COL4A3: variants seen among roughly 807,000 people sequenced by gnomAD.
COL4A3 encodes collagen alpha-3(IV) chain.
Under a neutral mutation model 217.4 loss-of-function variants are expected in COL4A3, and 135 were observed. That is an observed-to-expected ratio of 0.62 (90% CI 0.54 to 0.72). The LOEUF is 0.72. Among genes scored for constraint, COL4A3 ranks in the 30% least tolerant of loss-of-function variants. COL4A3 has a pLI of 0.00. For missense variants in COL4A3, 1,868 were observed against 2,119.9 expected (o/e 0.88, Z 2.33); for synonymous variants, 690 against 736.3 (o/e 0.94, Z 1.02).
intron 43 of COL4A3, among the ~76,000 whole-genome samples, chr2:227,302,501 A>C (rs2073329070): frequency 6.6e-6 from 1 of 151,906 alleles, no homozygotes. Flanking sequence ...ACATGGCGAA[A>C]CCCTGTCTCT....
intron 34 of COL4A3, among the ~76,000 whole-genome samples, chr2:227,286,579 A>G (rs761114207): frequency 6.6e-6 from 1 of 152,336 alleles, no homozygotes; most frequent in East Asian, 1.9e-4. Context: ...AGGGAGGTCA[A>G]GTTACTTGCC....
chr2:227,283,898 C>T (rs1387094294), intron 33 of COL4A3, 42 bp downstream of exon 33: 1 of 1,497,752 alleles, frequency 6.7e-7, no homozygotes, highest in Admixed American at 1.7e-5. Context: ...GAAGCATAAA[C>T]AATGTTCATT....
At position 227,202,954 on chromosome 2, in the gene COL4A3, CATATATGTGTATATATGT is replaced by C. The variant is rs2066808614; in HGVS notation, c.88-35013_88-34996del. 9.3e-4 allele frequency among the ~76,000 whole-genome samples: 12 copies of C among 12,868 alleles called. 5 individuals are homozygous for C. The highest frequency in any genetic ancestry group is 2.2e-3 in the African/African-American group (5 of 2,258). 8.4% of individuals were successfully genotyped at this position (12,868 alleles called of 152,430 possible). A position where few individuals can be genotyped will look rare whatever the true frequency, so the allele number is the denominator to read the frequency against. ...ATATGTGTATATATGTGTATATATA[CATATATGTGTATATATGT>C]GTATATATACATATGTGTATATATG... On this transcript the variant is annotated intron_variant, in intron 1 of 51. Transcript: ENST00000396578.
At chr2:227,201,358 C>T (rs2066678492) in intron 1 of COL4A3, among the ~76,000 whole-genome samples, 1 of 151,472 alleles carries the variant, frequency 6.6e-6, no homozygotes, top group Admixed American at 6.6e-5. Context: ...TAGGTGGAAT[C>T]AAAAAGCAAA....
intron 3 of COL4A3, among the ~76,000 whole-genome samples, chr2:227,241,983 A>G (rs1356501287): frequency 6.6e-6 from 1 of 152,200 alleles, no homozygotes; most frequent in African/African-American, 2.4e-5. Context: ...CTGGTTTGAC[A>G]CTGTGTGTGG....
At chr2:227,252,790 G>T (rs1396964876) in intron 11 of COL4A3, among the ~76,000 whole-genome samples, 1 of 152,146 alleles carries the variant, frequency 6.6e-6, no homozygotes, top group Non-Finnish European at 1.5e-5. Flanking sequence ...GAGTTGAAAT[G>T]ATGGATCAGC....
intron 34 of COL4A3, among the ~76,000 whole-genome samples, chr2:227,287,847 A>G (rs2072432616): frequency 6.6e-6 from 1 of 152,230 alleles, no homozygotes; most frequent in Admixed American, 6.5e-5. Context: ...CTGTCTCCCC[A>G]GTTAAACACT....
At chr2:227,251,520 T>C in intron 11 of COL4A3, 149 bp downstream of exon 11, 1 of 694,810 alleles carries the variant, frequency 1.4e-6, no homozygotes, top group East Asian at 2.7e-5. Flanking sequence ...CTAGCTGCTC[T>C]CACCTCTTTT....
rs1047056154 is a variant in COL4A3 at position 227,294,437 on chromosome 2, A to G, written c.3338-53A>G. On this transcript the variant is annotated intron_variant, in intron 38 of 51. Transcript: ENST00000396578. ...ACAGACCGTTTCAGTCACTGTTGTAATCATTTATCTTTTGGTGATCTTTTT... is the reference window on the plus strand; with the variant it reads ...ACAGACCGTTTCAGTCACTGTTGTAGTCATTTATCTTTTGGTGATCTTTTT... 6.2e-6 allele frequency: 7 copies of G among 1,133,324 alleles called. No homozygotes were observed. The African/African-American group carries it at 9.1e-5, about 15-fold the overall frequency. 70.2% of individuals were successfully genotyped at this position (1,133,324 alleles called of 1,614,324 possible). A position where few individuals can be genotyped will look rare whatever the true frequency, so the allele number is the denominator to read the frequency against.
At chr2:227,229,964 T>C (rs2125854813) in intron 1 of COL4A3, among the ~76,000 whole-genome samples, 2 of 149,390 alleles carry the variant, frequency 1.3e-5, no homozygotes, top group Middle Eastern at 7.1e-3. Flanking sequence ...GGCAGGAGAA[T>C]GGCGTGAACT....
intron 1 of COL4A3, among the ~76,000 whole-genome samples, chr2:227,224,786 T>A (rs2067997749): frequency 6.6e-6 from 1 of 152,198 alleles, no homozygotes; most frequent in Non-Finnish European, 1.5e-5. Context: ...TGATTATAGT[T>A]TGAGAAAACA....
Position 227,263,885 on chromosome 2 carries a change from C to A in COL4A3, c.1256C>A (p.Ser419Tyr), listed in dbSNP as rs201031986. ...PGKDAMGTPG[S>Y]PGCAGSPGLP... ...AAGGATGCCATGGGGACTCCTGGGT[C>A]CCCAGGTTGTGCTGGTTCACCAGGT... Residue 419 changes from serine (S) to tyrosine (Y), a missense_variant, in exon 21 of 52, where the codon TCC becomes TAC. This residue lies in a region of COL4A3 where 1,503 missense variants were observed against 1,786.1 expected (regional missense o/e 0.84). Transcript: ENST00000396578. The A allele has an allele frequency of 3.2e-5, 51 of 1,613,998 alleles. No individual in the cohort carries two copies. The highest frequency in any genetic ancestry group is 5.0e-5 in the Admixed American group (3 of 59,994).
In COL4A3 at chr2:227,290,093, T is replaced by A; in HGVS notation, c.3070+5T>A. 1 of 1,613,540 alleles carries A rather than the reference T, an allele frequency of 6.2e-7. No homozygotes were observed. The highest frequency in any genetic ancestry group is 8.5e-7 in the Non-Finnish European group (1 of 1,179,450). ...TGGGGAACATGGGCATGCCAGGTAA[T>A]GCATAAGGTCCTGTTATGAGCCCAC... On this transcript the variant is annotated splice_donor_5th_base_variant and intron_variant, in intron 36 of 51. Coordinates refer to ENST00000396578, the MANE Select transcript of COL4A3 (RefSeq NM_000091.5).
At chr2:227,294,230 G>T (rs760062635) in intron 38 of COL4A3, 1 of 444,184 alleles carries the variant, frequency 2.3e-6, no homozygotes, top group Non-Finnish European at 4.1e-6. Context: ...CATTTAACTC[G>T]CAATTAAAAT....
At chr2:227,256,575 T>C in intron 17 of COL4A3, 179 bp downstream of exon 17, 1 of 762,684 alleles carries the variant, frequency 1.3e-6, no homozygotes, top group South Asian at 1.4e-5. Context: ...ATTTGAAGGG[T>C]GTTCTTGAGG....
intron 9 of COL4A3, among the ~76,000 whole-genome samples, chr2:227,249,888 T>C (rs188403884): frequency 1.2e-4 from 19 of 152,328 alleles, no homozygotes; most frequent in Admixed American, 1.2e-3. Flanking sequence ...GTATATGTAT[T>C]AGTCATTGTG....
rs1288202325 is a variant in COL4A3 at position 227,202,745 on chromosome 2, AAAT to A, written c.88-35221_88-35219del. On this transcript the variant is annotated intron_variant, in intron 1 of 51. Coordinates refer to ENST00000396578, the MANE Select transcript of COL4A3 (RefSeq NM_000091.5). ...GCGAGAATCCGTCTCTAAAAAAAAA[AAAT>A]ATATATATATATATATATATATATC... Among the ~76,000 whole-genome samples, 380 of 16,368 alleles carry A rather than the reference AAAT, an allele frequency of 0.023. 12 individuals are homozygous for A. In the East Asian group the frequency reaches 0.33, roughly 14 times the overall value. 10.7% of individuals were successfully genotyped at this position (16,368 alleles called of 152,430 possible).
At chr2:227,243,355 A>C (rs2125901660) in intron 3 of COL4A3, among the ~76,000 whole-genome samples, 1 of 152,354 alleles carries the variant, frequency 6.6e-6, no homozygotes, top group South Asian at 2.1e-4. Context: ...GACCAAAAAG[A>C]TGTTTTAGAT....
intron 1 of COL4A3, among the ~76,000 whole-genome samples, chr2:227,204,991 G>A (rs1044149196): frequency 7.9e-5 from 12 of 152,118 alleles, no homozygotes; most frequent in South Asian, 2.1e-4. Flanking sequence ...TGTCTTTTCC[G>A]TTCATCTTTT....
Sources: gnomAD v4.1 joint callset for allele counts (sites outside exome capture counted in the v4.1 genomes callset) on GRCh38, gnomAD v4.1.1 for gene constraint, gnomAD v4.1.1 regional missense constraint, MANE v1.5 for transcripts, NCBI Gene and HGNC (gene_info 2026-07-23, HGNC 2026-07-21) for gene names.